Variants in CA13 observed in about 807,000 individuals in gnomAD.
CA13 encodes CA-XIII.
CA13 carries 21 observed loss-of-function variants against 31.5 expected under a neutral mutation model. The observed-to-expected ratio is 0.67, with a 90% CI of 0.47 to 0.96. The LOEUF is 0.96. Ranked by LOEUF, CA13 falls within the 40% of genes least tolerant of loss-of-function variation. The pLI is 0.00. For missense variants in CA13, 315 were observed against 318.9 expected, an observed-to-expected ratio of 0.99 and a Z score of 0.09; for synonymous variants, 117 against 111.4, an observed-to-expected ratio of 1.05 and a Z score of -0.32.
At chr8:85,259,096 G>C (rs1056226310) in intron 2 of CA13, among the ~76,000 whole-genome samples, 6 of 152,146 alleles carry the variant, frequency 3.9e-5, no homozygotes, top group African/African-American at 1.4e-4. Flanking sequence ...ATTCAGACAG[G>C]CTGACTTATC....
In CA13 at chr8:85,281,510, C is replaced by CTTTTTT; in HGVS notation, c.*166_*171dup. The CTTTTTT allele has an allele frequency of 1.6e-6, 2 of 1,243,896 alleles. No individual in the cohort carries two copies. The highest frequency in any genetic ancestry group is 2.1e-6 in the Non-Finnish European group (2 of 960,014). The allele number at this position is 1,243,896 out of a possible 1,614,324, so 77.1% of individuals were successfully genotyped here. A position where few individuals can be genotyped will look rare whatever the true frequency, so the allele number is the denominator to read the frequency against. ...CACAAAGAAAACCAGATCTCTCTCT[C>CTTTTTT]TTTTTTTTTTATTTTTTTTAGTGAT... On this transcript the variant is annotated 3_prime_UTR_variant, in exon 7 of 7. Coordinates refer to ENST00000321764, the MANE Select transcript of CA13 (RefSeq NM_198584.3).
intron 2 of CA13, among the ~76,000 whole-genome samples, chr8:85,256,366 G>T (rs890724212): frequency 2.6e-5 from 4 of 152,258 alleles, no homozygotes; most frequent in Admixed American, 2.6e-4. Flanking sequence ...ATTTTAAAAA[G>T]ATATCAAAAA....
intron 6 of CA13, among the ~76,000 whole-genome samples, chr8:85,276,258 C>G (rs571546184): frequency 6.6e-6 from 1 of 152,166 alleles, no homozygotes; most frequent in Admixed American, 6.5e-5. Flanking sequence ...GCCTTCCTCC[C>G]CCCGGGGCAG....
chr8:85,280,031 C>T (rs1452913534), intron 6 of CA13, among the ~76,000 whole-genome samples: 4 of 151,992 alleles, frequency 2.6e-5, no homozygotes, highest in Non-Finnish European at 5.9e-5. Context: ...CCTGTAATTC[C>T]AGCACTTTAG....
intron 6 of CA13, among the ~76,000 whole-genome samples, chr8:85,271,255 A>G (rs1362182274): frequency 2.6e-5 from 4 of 152,212 alleles, no homozygotes; most frequent in Non-Finnish European, 5.9e-5. Flanking sequence ...TTCATCAAAA[A>G]CAAGGTAAGT....
At chr8:85,281,199 T>C in intron 6 of CA13, 31 bp from the exon 7 acceptor site, 10 of 1,603,638 alleles carry the variant, frequency 6.2e-6, no homozygotes, top group Non-Finnish European at 8.5e-6. Context: ...GGAATTTCTA[T>C]GCTGAAGCTA....
rs976690530 is a variant in CA13 at position 85,245,571 on chromosome 8, A to G, written c.-258A>G. 4.8e-5 allele frequency: 25 copies of G among 521,968 alleles called. No homozygotes were observed. Among genetic ancestry groups the G allele is most frequent in the Non-Finnish European group, 7.4e-5 (22 of 295,326 alleles). The allele number at this position is 521,968 out of a possible 1,614,324, so 32.3% of individuals were successfully genotyped here. A position where few individuals can be genotyped will look rare whatever the true frequency, so the allele number is the denominator to read the frequency against. Reference sequence around the variant, plus strand: ...CTCTCTCCGTCTCTCCCTCTAACTCAAATCTCTCATTCCCGAGTCCAAACT... The same window carrying G: ...CTCTCTCCGTCTCTCCCTCTAACTCGAATCTCTCATTCCCGAGTCCAAACT... On this transcript the variant is annotated 5_prime_UTR_variant, in exon 1 of 7. Transcript: ENST00000321764.
Position 85,281,535 on chromosome 8 carries a change from T to C in CA13, c.*186T>C. The stretch of plus-strand genomic sequence containing the variant: ...CTTTTTTTTTTATTTTTTTTAGTGA[T>C]AGAGTCTCACTCTGTCACCCAGGCT... On this transcript the variant is annotated 3_prime_UTR_variant, in exon 7 of 7. Coordinates refer to ENST00000321764, the MANE Select transcript of CA13 (RefSeq NM_198584.3). 1.6e-6 allele frequency: 2 copies of C among 1,275,232 alleles called. No individual in the cohort carries two copies. The highest frequency in any genetic ancestry group is 2.0e-6 in the Non-Finnish European group (2 of 995,574). 79.0% of individuals were successfully genotyped at this position (1,275,232 alleles called of 1,614,324 possible).
intron 4 of CA13, 67 bp from the exon 5 acceptor site, chr8:85,267,835 C>A: frequency 1.1e-6 from 1 of 902,036 alleles, no homozygotes; most frequent in Non-Finnish European, 1.7e-6. Flanking sequence ...TAAATAGTGG[C>A]TGAAATTGAG....
chr8:85,255,114 C>G (rs977560864), intron 2 of CA13, among the ~76,000 whole-genome samples: 1 of 151,444 alleles, frequency 6.6e-6, no homozygotes, highest in African/African-American at 2.4e-5. Context: ...TTCTTCTTCT[C>G]TCTCTCTCTC....
rs1807348443 is a variant in CA13, at chr8:85,259,485, CGCTGATGACCACG to C, written c.304_316del (p.Asp102ProfsTer4). 37 of 1,614,036 alleles carry C rather than the reference CGCTGATGACCACG, an allele frequency of 2.3e-5. No homozygotes were observed. Among genetic ancestry groups the C allele is most frequent in the Non-Finnish European group, 3.1e-5 (37 of 1,179,984 alleles). ...GGCAGGTTCACCTTCACTGGGGGTC[CGCTGATGACCACG>C]GCTCCGAGCACATAGTAGATGGAGT... On this transcript the variant is annotated frameshift_variant, in exon 3 of 7. Transcript: ENST00000321764. LOFTEE classifies it high-confidence loss of function.
chr8:85,267,218 T>C (rs2129985604), intron 4 of CA13: 1 of 988,534 alleles, frequency 1.0e-6, no homozygotes, highest in Non-Finnish European at 1.2e-6. Context: ...TTCTTGTAGG[T>C]GTGCCCCTTT....
At chr8:85,273,771 T>C (rs1807561503) in intron 6 of CA13, among the ~76,000 whole-genome samples, 1 of 151,950 alleles carries the variant, frequency 6.6e-6, no homozygotes, top group South Asian at 2.1e-4. Flanking sequence ...CCCCCAGGGA[T>C]GCAAGGCTCT....
At position 85,248,286 on chromosome 8, in the gene CA13, C is replaced by T. The variant is rs151100891; in HGVS notation, c.37+2421C>T. Among the ~76,000 whole-genome samples the T allele has an allele frequency of 8.9e-3, 1,354 of 151,988 alleles. 24 individuals are homozygous for T. The highest frequency in any genetic ancestry group is 0.031 in the African/African-American group (1,298 of 41,480). ...CAGACTGACCAACATGGAGAAATCT[C>T]GTTTCTACTAAAAATACAAAATTAG... On this transcript the variant is annotated intron_variant, in intron 1 of 6. Transcript: ENST00000321764.
At chr8:85,273,665 G>C (rs1242746661) in intron 6 of CA13, among the ~76,000 whole-genome samples, 2 of 152,034 alleles carry the variant, frequency 1.3e-5, no homozygotes, top group African/African-American at 4.8e-5. Context: ...CTATGTAGCA[G>C]TCAGATCAGA....
chr8:85,276,366 C>G (rs546060106), intron 6 of CA13, among the ~76,000 whole-genome samples: 1 of 152,258 alleles, frequency 6.6e-6, no homozygotes, highest in Non-Finnish European at 1.5e-5. Context: ...GCCCCCTGCT[C>G]CACGGTGCCC....
rs1372883314 is a variant in CA13, at chr8:85,267,897, T to C, written c.451-5T>C. On this transcript the variant is annotated splice_polypyrimidine_tract_variant and splice_region_variant and intron_variant, in intron 4 of 6. Coordinates refer to ENST00000321764, the MANE Select transcript of CA13 (RefSeq NM_198584.3). ...ACCATTTCTTTTGAAATTTCATGTT[T>C]TTAGATTGGTGAACCTAATTCCCAA... The C allele has an allele frequency of 2.5e-6, 4 of 1,580,716 alleles. No homozygotes were observed. Among genetic ancestry groups the C allele is most frequent in the Admixed American group, 1.7e-5 (1 of 58,936 alleles).
chr8:85,266,407 G>A (rs1449810840), intron 3 of CA13, among the ~76,000 whole-genome samples: 1 of 152,170 alleles, frequency 6.6e-6, no homozygotes, highest in Non-Finnish European at 1.5e-5. Context: ...CCACAGACTA[G>A]TTAAGTGACT....
intron 6 of CA13, among the ~76,000 whole-genome samples, chr8:85,269,514 GAGAA>G (rs1201349404): frequency 6.6e-6 from 1 of 152,208 alleles, no homozygotes; most frequent in Non-Finnish European, 1.5e-5. Context: ...AGGAAAGAGA[GAGAA>G]AGGGGAGGGG....
Sources: gnomAD v4.1 joint callset for allele counts (sites outside exome capture counted in the v4.1 genomes callset) on GRCh38, gnomAD v4.1.1 for gene constraint, MANE v1.5 for transcripts, NCBI Gene and HGNC (gene_info 2026-07-23, HGNC 2026-07-21) for gene names.